The following B3GAT2 variants were observed in gnomAD, a reference collection of about 807,000 sequenced individuals.
B3GAT2 encodes the protein galactosylgalactosylxylosylprotein 3-beta-glucuronosyltransferase 2.
B3GAT2 carries 26 observed loss-of-function variants against 27.8 expected under a neutral mutation model. That is an observed-to-expected ratio of 0.93 (90% CI 0.68 to 1.30). B3GAT2 has a LOEUF of 1.30. B3GAT2 is among the 50% of genes most tolerant of loss of function. The pLI is 0.00. For synonymous variants in B3GAT2, 218 were observed against 195.1 expected (o/e 1.12, Z -0.98); for missense variants, 458 against 459.0 (o/e 1.00, Z 0.02).
intron 1 of B3GAT2, among the ~76,000 whole-genome samples, chr6:70,941,510 A>G (rs1349152331): frequency 1.3e-5 from 2 of 152,088 alleles, no homozygotes; most frequent in Admixed American, 6.5e-5. Flanking sequence ...CTGACTCACG[A>G]CCACCTTGAC....
intron 1 of B3GAT2, among the ~76,000 whole-genome samples, chr6:70,896,076 G>A (rs1207977170): frequency 6.6e-6 from 1 of 152,166 alleles, no homozygotes; most frequent in Non-Finnish European, 1.5e-5. Flanking sequence ...GTGCCTATGT[G>A]ACAAGCCCTG....
chr6:70,872,900 A>G (rs1771960072), intron 2 of B3GAT2, among the ~76,000 whole-genome samples: 1 of 152,006 alleles, frequency 6.6e-6, no homozygotes, highest in Admixed American at 6.6e-5. Context: ...AATTTCTAAC[A>G]GTTTAGTTCA....
intron 1 of B3GAT2, among the ~76,000 whole-genome samples, chr6:70,920,524 G>C (rs1367115545): frequency 6.6e-6 from 1 of 152,182 alleles, no homozygotes; most frequent in African/African-American, 2.4e-5. Flanking sequence ...GGGAGCTGTA[G>C]ACCAGAACTG....
intron 2 of B3GAT2, among the ~76,000 whole-genome samples, chr6:70,877,826 C>T (rs1018774815): frequency 6.6e-6 from 1 of 152,138 alleles, no homozygotes; most frequent in African/African-American, 2.4e-5. Context: ...ATAAGCCAGC[C>T]ATGACCTTTG....
rs74742266 is a variant in B3GAT2, at chr6:70,952,332, T to C, written c.591+3507A>G. Among the ~76,000 whole-genome samples, 718 of 152,282 alleles carry C rather than the reference T, an allele frequency of 4.7e-3. 15 individuals are homozygous for C. The East Asian group carries it at 0.084, about 18-fold the overall frequency. ...TAACTTCAAAATTTCTAAAGTTTTT[T>C]TTTTTCTTGCTTGGAAAGTGCTATT... On this transcript the variant is annotated intron_variant, in intron 1 of 3. Transcript: ENST00000230053.
chr6:70,916,318 T>C (rs1772773294), intron 1 of B3GAT2, among the ~76,000 whole-genome samples: 1 of 152,214 alleles, frequency 6.6e-6, no homozygotes, highest in Non-Finnish European at 1.5e-5. Flanking sequence ...GATGAGGTTT[T>C]CTACATATAT....
chr6:70,927,465 T>A (rs1445426952), intron 1 of B3GAT2, among the ~76,000 whole-genome samples: 2 of 151,902 alleles, frequency 1.3e-5, no homozygotes, highest in African/African-American at 4.8e-5. Context: ...AGGCTCAAAA[T>A]AAAGGGATGG....
intron 1 of B3GAT2, among the ~76,000 whole-genome samples, chr6:70,895,495 ATTTTTTTTT>A (rs59066944): frequency 2.6e-5 from 2 of 76,614 alleles, no homozygotes; most frequent in Admixed American, 3.6e-4. Context: ...CAAAAAGGGG[ATTTTTTTTT>A]TTTTTTTTTT....
At chr6:70,943,710 G>T (rs1240606932) in intron 1 of B3GAT2, among the ~76,000 whole-genome samples, 1 of 152,100 alleles carries the variant, frequency 6.6e-6, no homozygotes, top group Non-Finnish European at 1.5e-5. Context: ...TATCTAGCTT[G>T]TAAAAATAAA....
intron 2 of B3GAT2, among the ~76,000 whole-genome samples, chr6:70,862,357 T>C (rs1771771175): frequency 6.6e-6 from 1 of 152,144 alleles, no homozygotes. Flanking sequence ...TAACTACATG[T>C]GGGGTATGAG....
intron 1 of B3GAT2, among the ~76,000 whole-genome samples, chr6:70,937,941 T>G (rs1765323113): frequency 1.3e-5 from 2 of 151,660 alleles, no homozygotes; most frequent in South Asian, 4.2e-4. Context: ...GGTATTCAAT[T>G]AGGAAAAGAG....
intron 2 of B3GAT2, among the ~76,000 whole-genome samples, chr6:70,882,923 AATGT>A (rs35005015): frequency 0.19 from 28,952 of 152,062 alleles, 3,075 homozygotes; most frequent in East Asian, 0.31. Flanking sequence ...ATTTTATAGA[AATGT>A]ATAAAGGACT....
intron 2 of B3GAT2, among the ~76,000 whole-genome samples, chr6:70,869,396 T>C (rs1771900283): frequency 6.6e-6 from 1 of 152,196 alleles, no homozygotes; most frequent in African/African-American, 2.4e-5. Flanking sequence ...TCACTTTCCA[T>C]ATCAATTTTA....
chr6:70,956,771 CT>C lies in B3GAT2; in HGVS notation c.-343del. 2 of 1,171,466 alleles carry C rather than the reference CT, an allele frequency of 1.7e-6. No individual in the cohort carries two copies. The highest frequency in any genetic ancestry group is 2.1e-6 in the Non-Finnish European group (2 of 946,728). 72.6% of individuals were successfully genotyped at this position (1,171,466 alleles called of 1,614,324 possible). ...GAAAGGCGCTGATCCCCACCGCGCT[CT>C]TTCTGAAGAGTGGAAGCCGAGAAGC... On this transcript the variant is annotated 5_prime_UTR_variant, in exon 1 of 4. Transcript: ENST00000230053.
chr6:70,885,295 G>A (rs1253296486), intron 2 of B3GAT2, among the ~76,000 whole-genome samples: 3 of 152,054 alleles, frequency 2.0e-5, no homozygotes, highest in Non-Finnish European at 1.5e-5. Flanking sequence ...AGGGGCAAGC[G>A]GCACTCACAT....
intron 1 of B3GAT2, among the ~76,000 whole-genome samples, chr6:70,937,928 A>C (rs889083575): frequency 3.9e-5 from 6 of 152,060 alleles, no homozygotes; most frequent in Middle Eastern, 3.4e-3. Flanking sequence ...GAAGGACATA[A>C]AGGGTATTCA....
chr6:70,932,745 G>C (rs1773080161), intron 1 of B3GAT2, among the ~76,000 whole-genome samples: 1 of 152,144 alleles, frequency 6.6e-6, no homozygotes, highest in South Asian at 2.1e-4. Context: ...TCTCCTCACT[G>C]CTTTTCTTCA....
chr6:70,922,726 T>C (rs73491673), intron 1 of B3GAT2, among the ~76,000 whole-genome samples: 161 of 149,782 alleles, frequency 1.1e-3, no homozygotes, highest in African/African-American at 3.8e-3. Flanking sequence ...AGAAGAGAGG[T>C]AGAAAAATCA....
chr6:70,909,365 T>C (rs1301903558), intron 1 of B3GAT2, among the ~76,000 whole-genome samples: 2 of 152,230 alleles, frequency 1.3e-5, no homozygotes, highest in African/African-American at 2.4e-5. Context: ...GGAAATCATA[T>C]GTAAACAAGA....
Sources: allele counts gnomAD v4.1 joint callset (sites outside exome capture counted in the v4.1 genomes callset), GRCh38; gene constraint gnomAD v4.1.1; transcripts MANE v1.5; gene names NCBI Gene and HGNC (gene_info 2026-07-23, HGNC 2026-07-21).